The following STYXL2 variants were observed in gnomAD, a reference collection of about 807,000 sequenced individuals.
STYXL2 encodes the protein serine/threonine/tyrosine interacting like 2.
STYXL2 carries 44 observed loss-of-function variants against 52.4 expected under a neutral mutation model. The ratio of observed to expected loss-of-function variants is 0.84; its 90% CI spans 0.66 to 1.08. The LOEUF is 1.08. Ranked by LOEUF, STYXL2 falls within the 50% of genes least tolerant of loss-of-function variation. The pLI is 0.00. For synonymous variants in STYXL2, 604 were observed against 586.9 expected, an observed-to-expected ratio of 1.03 and a Z score of -0.42; for missense variants, 1,604 against 1,471.7, an observed-to-expected ratio of 1.09 and a Z score of -1.47.
chr1:167,103,663 G>A (rs947131664), intron 2 of STYXL2, among the ~76,000 whole-genome samples: 2 of 152,138 alleles, frequency 1.3e-5, no homozygotes, highest in African/African-American at 4.8e-5. Flanking sequence ...AAAATGGGCG[G>A]TTAGAGATTC....
Position 167,128,579 on chromosome 1 carries a change from A to G in STYXL2, c.3448A>G (p.Thr1150Ala), listed in dbSNP as rs767097520. The G allele has an allele frequency of 5.0e-6, 8 of 1,612,988 alleles. No individual in the cohort carries two copies. The African/African-American group carries it at 1.1e-4, about 22-fold the overall frequency. ...GAGACGCCGGCAAGAAGAAACCAGG[A>G]CCAAGCTGCAGAAAAGGAGGGAGGA... The part of the protein sequence containing the change: ...AWRRRQEETR[T>A]KLQKRRED The change falls in exon 6 of 6, where the codon ACC becomes GCC. Residue 1150 changes from threonine to alanine, a missense_variant. Transcript: ENST00000361200.
At chr1:167,100,595 C>G (rs747212418) in intron 2 of STYXL2, among the ~76,000 whole-genome samples, 15 of 152,188 alleles carry the variant, frequency 9.9e-5, no homozygotes, top group Non-Finnish European at 1.9e-4. Flanking sequence ...CAGTCCTTAG[C>G]CTTTTCAGCA....
At chr1:167,106,206 C>T (rs1008625506) in intron 2 of STYXL2, among the ~76,000 whole-genome samples, 2 of 152,132 alleles carry the variant, frequency 1.3e-5, no homozygotes, top group South Asian at 2.1e-4. Context: ...GGAGTGCTCC[C>T]GGATGGATAA....
intron 4 of STYXL2, among the ~76,000 whole-genome samples, chr1:167,118,417 G>A (rs1174106054): frequency 6.6e-6 from 1 of 152,206 alleles, no homozygotes; most frequent in Non-Finnish European, 1.5e-5. Flanking sequence ...AGGGAATAGG[G>A]AAAACAGCTT....
Position 167,127,174 on chromosome 1 carries a change from C to G in STYXL2, c.2043C>G (p.Thr681=), listed in dbSNP as rs1206192659. 1 of 1,614,030 alleles carries G rather than the reference C, an allele frequency of 6.2e-7. No individual in the cohort carries two copies. Among genetic ancestry groups the G allele is most frequent in the Non-Finnish European group, 8.5e-7 (1 of 1,180,006 alleles). ...GGGACACGACGTCAGTACTGAGCAC[C>G]CAGAGCCACCGCTCCCACCTGTCTC... ...ADGDTTSVLS[T]QSHRSHLSQA... The change falls in exon 6 of 6, where the codon ACC becomes ACG. Residue 681 remains threonine, a synonymous_variant. Coordinates refer to ENST00000361200, the MANE Select transcript of STYXL2 (RefSeq NM_001080426.3).
intron 3 of STYXL2, among the ~76,000 whole-genome samples, chr1:167,115,797 C>T (rs938542899): frequency 5.3e-5 from 8 of 152,208 alleles, no homozygotes; most frequent in Admixed American, 2.6e-4. Context: ...GCGTTTGAAA[C>T]GGAGATCAGA....
rs374488804 is a variant in STYXL2 at position 167,126,984 on chromosome 1, C to T, written c.1853C>T (p.Ala618Val). 2.4e-5 allele frequency: 38 copies of T among 1,608,808 alleles called. No individual in the cohort carries two copies. In the African/African-American group the frequency reaches 5.1e-4, roughly 21 times the overall value. The change falls in exon 6 of 6, where the codon GCC (alanine) becomes GTC (valine). Residue 618 changes from alanine (A) to valine (V), a missense_variant. Ala to Val is a moderately conservative substitution (Grantham distance 64). Transcript: ENST00000361200. ...VVELSKGEDS[A>V]LAKKRQRRLE... ...GAGCTCAGCAAGGGGGAGGACTCGG[C>T]CTTGGCTAAGAAGAGACAACGGAGG...
rs1221076344 is a variant in STYXL2 at position 167,116,691 on chromosome 1, GC to G, written c.206-634del. ...TTTGAGACAGAGTTTCGTTCTTTTT[GC>G]CCAGGCTGGAATGCAATGGCATGCT... On this transcript the variant is annotated intron_variant, in intron 3 of 5. Coordinates refer to ENST00000361200, the MANE Select transcript of STYXL2 (RefSeq NM_001080426.3). 3.9e-4 allele frequency among the ~76,000 whole-genome samples: 13 copies of G among 33,170 alleles called. No homozygotes were observed. In the East Asian group the frequency reaches 0.015, roughly 37 times the overall value. 21.8% of individuals were successfully genotyped at this position (33,170 alleles called of 152,430 possible). A position where few individuals can be genotyped will look rare whatever the true frequency, so the allele number is the denominator to read the frequency against.
rs767683915 is a variant in STYXL2, at chr1:167,126,405, C to T, written c.1274C>T (p.Ser425Phe). ...EEKEEESDAGSSVGRRRRTLS... is the reference protein window; with the variant it reads ...EEKEEESDAGFSVGRRRRTLS... ...AAGGAGGAGGAGAGCGACGCTGGCT[C>T]CTCGGTGGGGAGGCGGCGGCGCACC... Residue 425 changes from serine (S) to phenylalanine (F), a missense_variant, in exon 6 of 6, where the codon TCC becomes TTC. Ser to Phe is a radical substitution (Grantham distance 155, BLOSUM62 -2). Transcript: ENST00000361200. 8 of 1,558,436 alleles carry T rather than the reference C, an allele frequency of 5.1e-6. No individual in the cohort carries two copies. The highest frequency in any genetic ancestry group is 2.4e-5 in the South Asian group (2 of 84,658).
chr1:167,121,256 G>A (rs1667850204), intron 5 of STYXL2, among the ~76,000 whole-genome samples: 1 of 151,674 alleles, frequency 6.6e-6, no homozygotes, highest in South Asian at 2.1e-4. Flanking sequence ...CAGGTGATCC[G>A]CCCGCCTCGG....
rs1156550430 is a variant in STYXL2, at chr1:167,126,556, C to T, written c.1425C>T (p.Ser475=). The T allele has an allele frequency of 2.5e-6, 4 of 1,613,928 alleles. No individual in the cohort carries two copies. The South Asian group carries it at 4.4e-5, about 18-fold the overall frequency. The change falls in exon 6 of 6, where the codon AGC becomes AGT. Residue 475 remains serine (S), a synonymous_variant. Transcript: ENST00000361200. ...RRRADSMSSE[S]TWDAWNERLL... ...GCGCAGACTCGATGTCCTCGGAGAG[C>T]ACCTGGGACGCATGGAACGAGAGGC...
chr1:167,110,110 C>G (rs892973255), intron 2 of STYXL2, among the ~76,000 whole-genome samples: 1 of 152,110 alleles, frequency 6.6e-6, no homozygotes. Context: ...GTGGCTGGAC[C>G]CAGAAGAGCA....
At chr1:167,124,750 GTT>G (rs1417424119) in intron 5 of STYXL2, among the ~76,000 whole-genome samples, 1 of 152,134 alleles carries the variant, frequency 6.6e-6, no homozygotes, top group Non-Finnish European at 1.5e-5. Flanking sequence ...TTTAAAAAAC[GTT>G]TTACAGGTTT....
Position 167,128,189 on chromosome 1 carries a change from A to G in STYXL2, c.3058A>G (p.Lys1020Glu), listed in dbSNP as rs762356061. ...CACCAGGGAGGGCAGAGAGATGCACAAGTTCTCCAGGTCCACGTACAACGA... is the reference window on the plus strand; with the variant it reads ...CACCAGGGAGGGCAGAGAGATGCACGAGTTCTCCAGGTCCACGTACAACGA... The part of the protein sequence containing the change: ...SSTREGREMH[K>E]FSRSTYNETS... Residue 1020 changes from lysine to glutamate, a missense_variant, in exon 6 of 6, where the codon AAG (lysine) becomes GAG (glutamate). Physicochemically the swap from Lys to Glu is moderately conservative, Grantham distance 56. Transcript: ENST00000361200. 22 of 1,614,210 alleles carry G rather than the reference A, an allele frequency of 1.4e-5. No homozygotes were observed. Among genetic ancestry groups the G allele is most frequent in the Non-Finnish European group, 1.4e-5 (16 of 1,180,036 alleles).
intron 2 of STYXL2, among the ~76,000 whole-genome samples, chr1:167,108,178 A>G (rs1247393780): frequency 6.6e-6 from 1 of 152,140 alleles, no homozygotes; most frequent in African/African-American, 2.4e-5. Context: ...ATTCATCCAG[A>G]CATCCAGCTC....
At chr1:167,106,052 T>C (rs993310509) in intron 2 of STYXL2, among the ~76,000 whole-genome samples, 8 of 152,208 alleles carry the variant, frequency 5.3e-5, no homozygotes, top group Non-Finnish European at 1.2e-4. Flanking sequence ...TCACAGAGAT[T>C]TCTCTTTTCA....
chr1:167,117,749 C>A (rs1007862984), intron 4 of STYXL2, among the ~76,000 whole-genome samples, 190 bp downstream of exon 4: 1 of 152,184 alleles, frequency 6.6e-6, no homozygotes, highest in African/African-American at 2.4e-5. Context: ...GGTCTCCAGG[C>A]AAGATGCCGC....
rs775910849 is a variant in STYXL2 at position 167,126,310 on chromosome 1, C to T, written c.1179C>T (p.Ile393=). The T allele has an allele frequency of 3.3e-6, 5 of 1,523,008 alleles. No individual in the cohort carries two copies. The highest frequency in any genetic ancestry group is 4.4e-6 in the Non-Finnish European group (5 of 1,133,386). The allele number at this position is 1,523,008 out of a possible 1,614,324, so 94.3% of individuals were successfully genotyped here. A position where few individuals can be genotyped will look rare whatever the true frequency, so the allele number is the denominator to read the frequency against. The change falls in exon 6 of 6, where the codon ATC becomes ATT. Residue 393 remains isoleucine (I), a synonymous_variant. Transcript: ENST00000361200. ...AGGACGAGGACGTGGAGAGGATCAT[C>T]CAGGAGTGGCAGAGCCGAAACGAGA... ...ELEDEDVERI[I]QEWQSRNERY... is the part of the protein sequence containing the mutation.
rs960055384 is a variant in STYXL2 at position 167,128,247 on chromosome 1, C to G, written c.3116C>G (p.Pro1039Arg). Residue 1039 changes from proline (P) to arginine (R), a missense_variant, in exon 6 of 6, where the codon CCC becomes CGC. Physicochemically the swap from Pro to Arg is moderately radical, Grantham distance 103 (BLOSUM62 -2). Transcript: ENST00000361200. ...AGTTCCCGAGAGGAGAGCCCAGAGC[C>G]CTACTTCTTCCGCCGGACCCCAGAG... is the stretch of plus-strand genomic sequence containing the variant. The part of the protein sequence containing the change: ...TSSSREESPE[P>R]YFFRRTPESS... 6 of 1,614,052 alleles carry G rather than the reference C, an allele frequency of 3.7e-6. No homozygotes were observed. In the African/African-American group the frequency reaches 6.7e-5, roughly 18 times the overall value.
Sources: allele counts gnomAD v4.1 joint callset (sites outside exome capture counted in the v4.1 genomes callset), GRCh38; gene constraint gnomAD v4.1.1; transcripts MANE v1.5; gene names NCBI Gene and HGNC (gene_info 2026-07-23, HGNC 2026-07-21).